The following TSPEAR variants were observed in gnomAD, a reference collection of about 807,000 sequenced individuals.
The protein encoded by TSPEAR is thrombospondin type laminin G domain and EAR repeats.
In TSPEAR, 69 loss-of-function variants were observed where a neutral mutation model predicts 71.6. That is an observed-to-expected ratio of 0.96 (90% CI 0.79 to 1.18). The LOEUF is 1.18. TSPEAR is among the 50% of genes most tolerant of loss of function. The probability of loss-of-function intolerance (pLI) is 0.00; values close to 1 mark genes in which losing one functional copy is unlikely to be tolerated. For missense variants in TSPEAR, 971 were observed against 894.9 expected (o/e 1.09, Z -1.09); for synonymous variants, 402 against 387.2 (o/e 1.04, Z -0.45).
intron 1 of TSPEAR, among the ~76,000 whole-genome samples, chr21:44,585,503 G>C (rs1216338195): frequency 1.3e-5 from 2 of 152,210 alleles, no homozygotes; most frequent in East Asian, 3.9e-4. Context: ...TGTGATCCCA[G>C]AATCACAGAC....
intron 2 of TSPEAR, among the ~76,000 whole-genome samples, chr21:44,537,006 T>C (rs1286516664): frequency 6.6e-6 from 1 of 152,196 alleles, no homozygotes; most frequent in African/African-American, 2.4e-5. Context: ...AAGAGGAATA[T>C]TTTAGACCTA....
intron 1 of TSPEAR, among the ~76,000 whole-genome samples, chr21:44,586,545 G>A (rs143562366): frequency 6.6e-6 from 1 of 152,204 alleles, no homozygotes; most frequent in African/African-American, 2.4e-5. Flanking sequence ...TATTCCCAGT[G>A]TTTCTCAGCC....
intron 2 of TSPEAR, chr21:44,551,510 G>GTGAGTGAGTGTA (rs781783019): frequency 2.6e-6 from 4 of 1,536,298 alleles, no homozygotes; most frequent in Non-Finnish European, 2.6e-6. Context: ...GAGTGAGTGT[G>GTGAGTGAGTGTA]TGTGTGAGTG....
intron 6 of TSPEAR, among the ~76,000 whole-genome samples, chr21:44,528,033 C>A (rs1458407665): frequency 6.6e-6 from 1 of 152,122 alleles, no homozygotes; most frequent in East Asian, 1.9e-4. Context: ...GGCAGCCGGG[C>A]CACCCTACCA....
At chr21:44,510,245 C>T (rs1230084545) in intron 9 of TSPEAR, among the ~76,000 whole-genome samples, 1 of 152,200 alleles carries the variant, frequency 6.6e-6, no homozygotes, top group South Asian at 2.1e-4. Flanking sequence ...GACAGTGTCC[C>T]CACAGGCCGG....
chr21:44,552,199 G>A (rs142456099), intron 2 of TSPEAR, among the ~76,000 whole-genome samples: 2 of 152,256 alleles, frequency 1.3e-5, no homozygotes, highest in Non-Finnish European at 2.9e-5. Context: ...GTGGGGAGGG[G>A]CCTCTGCCTT....
chr21:44,672,022 A>G (rs1373227408), intron 1 of TSPEAR, among the ~76,000 whole-genome samples: 3 of 152,192 alleles, frequency 2.0e-5, no homozygotes, highest in African/African-American at 4.8e-5. Context: ...AGAATCCAAC[A>G]GAAATCCTGG....
intron 1 of TSPEAR, chr21:44,657,908 A>G (rs1426220526): frequency 1.3e-6 from 2 of 1,490,996 alleles, no homozygotes; most frequent in Non-Finnish European, 1.8e-6. Flanking sequence ...ACCCAGGTAT[A>G]AAGACCACCA....
chr21:44,702,535 G>A, intron 1 of TSPEAR: 3 of 1,607,694 alleles, frequency 1.9e-6, no homozygotes, highest in African/African-American at 1.3e-5. Flanking sequence ...CTGCTCTGGG[G>A]CTTCCTCCCT....
At chr21:44,613,072 C>A (rs1981829267) in intron 1 of TSPEAR, 1 of 796,680 alleles carries the variant, frequency 1.3e-6, no homozygotes, top group South Asian at 1.8e-5. Context: ...CTCTTGCCTT[C>A]CAGCAGGTGC....
rs1385945514 is a variant in TSPEAR, at chr21:44,650,146, G to A, written c.82+61287C>T. On this transcript the variant is annotated intron_variant, in intron 1 of 11. Coordinates refer to ENST00000323084, the MANE Select transcript of TSPEAR (RefSeq NM_144991.3). ...TGGGAAGACGGCTTGAGCCTGGGAGGTCAAGGCTGCAGTGAGCCGTGATCG... is the reference window on the plus strand; with the variant it reads ...TGGGAAGACGGCTTGAGCCTGGGAGATCAAGGCTGCAGTGAGCCGTGATCG... 3.9e-5 allele frequency among the ~76,000 whole-genome samples: 6 copies of A among 152,078 alleles called. No individual in the cohort carries two copies. The South Asian group carries it at 1.0e-3, about 26-fold the overall frequency.
chr21:44,595,158 C>T (rs1259575023), intron 1 of TSPEAR, among the ~76,000 whole-genome samples: 6 of 152,114 alleles, frequency 3.9e-5, no homozygotes, highest in Admixed American at 2.6e-4. Context: ...CAAGCAGTCA[C>T]CCAATTCTCT....
At chr21:44,699,692 A>G (rs1370506825) in intron 1 of TSPEAR, among the ~76,000 whole-genome samples, 8 of 151,228 alleles carry the variant, frequency 5.3e-5, no homozygotes, top group Non-Finnish European at 7.4e-5. Flanking sequence ...TCCTGCACCC[A>G]CTCCTCTGAC....
intron 9 of TSPEAR, chr21:44,517,735 G>A (rs587601378): frequency 2.1e-4 from 98 of 470,954 alleles, no homozygotes; most frequent in African/African-American, 1.7e-3. Flanking sequence ...GGGGCTCTGT[G>A]GACATCACTC....
At chr21:44,663,054 GA>G (rs1253581805) in intron 1 of TSPEAR, among the ~76,000 whole-genome samples, 2 of 141,646 alleles carry the variant, frequency 1.4e-5, no homozygotes, top group Non-Finnish European at 3.1e-5. Flanking sequence ...GCACTTTAAA[GA>G]AAAAAAGAAA....
intron 2 of TSPEAR, among the ~76,000 whole-genome samples, chr21:44,555,876 C>T (rs587702801): frequency 3.9e-4 from 59 of 152,322 alleles, no homozygotes; most frequent in Non-Finnish European, 7.3e-4. Context: ...CTGTGTCCTT[C>T]TGTCCTGGAA....
At position 44,592,467 on chromosome 21, in the gene TSPEAR, C is replaced by T. The variant is rs782799926; in HGVS notation, c.83-24462G>A. On this transcript the variant is annotated intron_variant, in intron 1 of 11. Transcript: ENST00000323084. ...AGCTCAGGTCGCTGGAGCAGACGGACATGGTGGACGCGGCCATGCTGGGGT... is the reference window on the plus strand; with the variant it reads ...AGCTCAGGTCGCTGGAGCAGACGGATATGGTGGACGCGGCCATGCTGGGGT... 5 of 1,611,306 alleles carry T rather than the reference C, an allele frequency of 3.1e-6. No individual in the cohort carries two copies. In the South Asian group the frequency reaches 5.5e-5, roughly 18 times the overall value.
At chr21:44,702,653 G>C in intron 1 of TSPEAR, 1 of 1,578,836 alleles carries the variant, frequency 6.3e-7, no homozygotes, top group East Asian at 2.3e-5. Flanking sequence ...CCCACCTGCT[G>C]CATGCCCGTC....
At chr21:44,647,127 A>T (rs781783829) in intron 1 of TSPEAR, 5 of 1,613,746 alleles carry the variant, frequency 3.1e-6, no homozygotes, top group Non-Finnish European at 4.2e-6. Flanking sequence ...GCTGCCAGCC[A>T]GCTTGCTGCA....
Sources: allele counts gnomAD v4.1 joint callset (sites outside exome capture counted in the v4.1 genomes callset), GRCh38; gene constraint gnomAD v4.1.1; transcripts MANE v1.5; gene names NCBI Gene and HGNC (gene_info 2026-07-23, HGNC 2026-07-21).